FSTL4: variants seen among roughly 807,000 people sequenced by gnomAD.
FSTL4 encodes follistatin-related protein 4.
FSTL4 carries 28 observed loss-of-function variants against 78.2 expected under a neutral mutation model. That is an observed-to-expected ratio of 0.36 (90% CI 0.27 to 0.49). The LOEUF (loss-of-function observed/expected upper bound fraction) is 0.49, where lower values mean the gene tolerates loss of function less well. Among genes scored for constraint, FSTL4 ranks in the 20% least tolerant of loss-of-function variants. FSTL4 has a pLI of 0.98. For missense variants in FSTL4, 922 were observed against 1,084.9 expected (o/e 0.85, Z 2.11); for synonymous variants, 422 against 440.5 (o/e 0.96, Z 0.53).
intron 3 of FSTL4, among the ~76,000 whole-genome samples, chr5:133,437,507 T>TTTTC (rs58973370): frequency 6.8e-6 from 1 of 147,534 alleles, no homozygotes; most frequent in Non-Finnish European, 1.5e-5. Context: ...TTTTTTTTTT[T>TTTTC]GAGATAGAGT....
At chr5:133,290,016 G>C (rs1291526037) in intron 6 of FSTL4, among the ~76,000 whole-genome samples, 1 of 152,166 alleles carries the variant, frequency 6.6e-6, no homozygotes, top group Non-Finnish European at 1.5e-5. Flanking sequence ...GTGCAAAGTG[G>C]GTGCTGATGG....
At chr5:133,452,213 A>G (rs1276592078) in intron 3 of FSTL4, among the ~76,000 whole-genome samples, 1 of 152,254 alleles carries the variant, frequency 6.6e-6, no homozygotes, top group Non-Finnish European at 1.5e-5. Context: ...CTCTAGCTGC[A>G]TGGCAGAGTG....
Position 133,199,475 on chromosome 5 carries a change from T to C in FSTL4, c.2149A>G (p.Thr717Ala). Residue 717 changes from threonine (T) to alanine (A), a missense_variant, in exon 16 of 16, where the codon ACA (threonine) becomes GCA (alanine). Transcript: ENST00000265342. This position sits in a 1 kb window ranked among gnomAD's most constrained non-coding sequence, Gnocchi z 4.4. The stretch of plus-strand genomic sequence containing the variant: ...AGGGTCTGGATCTCGCCCCGCACTG[T>C]GATCTCCTGCACGTGCAGCCAGGGG... ...DSPWLHVQEI[T>A]VRGEIQTLYD... 1 of 1,614,216 alleles carries C rather than the reference T, an allele frequency of 6.2e-7. No individual in the cohort carries two copies. The highest frequency in any genetic ancestry group is 8.5e-7 in the Non-Finnish European group (1 of 1,180,016).
chr5:133,262,408 A>G (rs1752553288), intron 6 of FSTL4, among the ~76,000 whole-genome samples: 1 of 152,230 alleles, frequency 6.6e-6, no homozygotes, highest in South Asian at 2.1e-4. Flanking sequence ...CCTAATTGTA[A>G]TAGAGTGAAA....
intron 14 of FSTL4, among the ~76,000 whole-genome samples, chr5:133,207,145 A>ATGTT (rs3087076): frequency 0.045 from 6,877 of 152,242 alleles, 510 homozygotes; most frequent in African/African-American, 0.15. Flanking sequence ...AAGGCTTTCT[A>ATGTT]TGTTTTTATT....
At chr5:133,673,535 A>C in the FSTL4 span, among the ~76,000 whole-genome samples, 1 of 152,252 alleles carries the variant, frequency 6.6e-6, no homozygotes, top group Admixed American at 6.5e-5. Flanking sequence ...TTGCCTAATT[A>C]ACCAGCTCAG....
chr5:133,330,929 C>T (rs1206925069), intron 4 of FSTL4, among the ~76,000 whole-genome samples: 37 of 152,066 alleles, frequency 2.4e-4, no homozygotes, highest in Non-Finnish European at 1.3e-4. Flanking sequence ...TGAGTGTGTC[C>T]CTGTGGTTAT....
At chr5:133,738,272 GC>G in the FSTL4 span, among the ~76,000 whole-genome samples, 2 of 152,190 alleles carry the variant, frequency 1.3e-5, no homozygotes, top group Admixed American at 1.3e-4. Flanking sequence ...TCTCTGAGGA[GC>G]TCAGTGCTCT....
chr5:133,638,162 G>A, the FSTL4 span, among the ~76,000 whole-genome samples: 2 of 151,772 alleles, frequency 1.3e-5, no homozygotes, highest in East Asian at 3.9e-4. Flanking sequence ...GCATATCTTA[G>A]CTCCACTTTC....
chr5:133,300,019 T>C (rs1753497770), intron 6 of FSTL4, among the ~76,000 whole-genome samples: 1 of 152,168 alleles, frequency 6.6e-6, no homozygotes, highest in South Asian at 2.1e-4. Context: ...CATTCCATAT[T>C]TTCTGTGTTT....
At chr5:133,356,190 C>G (rs951669481) in intron 4 of FSTL4, among the ~76,000 whole-genome samples, 1 of 152,224 alleles carries the variant, frequency 6.6e-6, no homozygotes, top group Non-Finnish European at 1.5e-5. Context: ...TTCTTATTTG[C>G]CATAGATTCA....
chr5:133,459,394 T>C (rs1046949079), intron 3 of FSTL4, among the ~76,000 whole-genome samples: 2 of 151,904 alleles, frequency 1.3e-5, no homozygotes, highest in African/African-American at 4.8e-5. Context: ...ATACCAAGAG[T>C]CACTCAGTAT....
chr5:133,657,010 C>T, the FSTL4 span, among the ~76,000 whole-genome samples: 2 of 152,054 alleles, frequency 1.3e-5, no homozygotes, highest in Non-Finnish European at 2.9e-5. Flanking sequence ...GAGTCATTGA[C>T]TAAGATGGAG....
At chr5:133,501,114 C>CA (rs991093230) in intron 3 of FSTL4, among the ~76,000 whole-genome samples, 9 of 152,070 alleles carry the variant, frequency 5.9e-5, no homozygotes, top group African/African-American at 2.2e-4. Context: ...AAAGAGAGGG[C>CA]AGATCACAAG....
the FSTL4 span, among the ~76,000 whole-genome samples, chr5:133,681,218 G>A: frequency 1.3e-5 from 2 of 152,210 alleles, no homozygotes; most frequent in Non-Finnish European, 2.9e-5. Context: ...GGCAGACCCC[G>A]GGCAGTCCTT....
intron 4 of FSTL4, among the ~76,000 whole-genome samples, chr5:133,332,813 C>T (rs544974554): frequency 6.6e-5 from 10 of 152,308 alleles, no homozygotes; most frequent in African/African-American, 1.7e-4. Context: ...CACACTCTCA[C>T]CTCCATTTTT....
the FSTL4 span, among the ~76,000 whole-genome samples, chr5:133,775,215 T>C: frequency 6.6e-6 from 1 of 152,228 alleles, no homozygotes; most frequent in African/African-American, 2.4e-5. Context: ...ACTAGAAATA[T>C]CTGTGGCAGA....
chr5:133,245,618 C>G (rs1290664377), intron 7 of FSTL4, among the ~76,000 whole-genome samples: 1 of 152,220 alleles, frequency 6.6e-6, no homozygotes, highest in Non-Finnish European at 1.5e-5. Flanking sequence ...CTGGAGGCTG[C>G]GGACAGTGTC....
At chr5:133,219,326 T>C (rs913303981) in intron 12 of FSTL4, among the ~76,000 whole-genome samples, 2 of 152,218 alleles carry the variant, frequency 1.3e-5, no homozygotes, top group African/African-American at 4.8e-5. Flanking sequence ...TCTCTCCTTT[T>C]ACTCTTGTTC....
Sources: allele counts gnomAD v4.1 joint callset (sites outside exome capture counted in the v4.1 genomes callset), GRCh38; gene constraint gnomAD v4.1.1; non-coding constraint Gnocchi (gnomAD v3.1); transcripts MANE v1.5; gene names NCBI Gene and HGNC (gene_info 2026-07-23, HGNC 2026-07-21).